Variants in PPP1R9A observed in about 807,000 individuals in gnomAD.
PPP1R9A encodes the protein neurabin-1.
In PPP1R9A, 59 loss-of-function variants were observed where a neutral mutation model predicts 141.9. That is an observed-to-expected ratio of 0.42 (90% CI 0.34 to 0.52). The LOEUF (loss-of-function observed/expected upper bound fraction) is 0.52, where lower values mean the gene tolerates loss of function less well. PPP1R9A is among the 20% of genes least tolerant of loss of function. PPP1R9A has a pLI of 0.10. For synonymous variants in PPP1R9A, 500 were observed against 569.7 expected (o/e 0.88, Z 1.74); for missense variants, 1,444 against 1,611.9 (o/e 0.90, Z 1.78).
intron 16 of PPP1R9A, among the ~76,000 whole-genome samples, chr7:95,278,271 A>G (rs533648083): frequency 7.2e-5 from 11 of 152,298 alleles, no homozygotes; most frequent in Admixed American, 2.0e-4. Flanking sequence ...GCTAGTCTAT[A>G]TTGGGATATG....
intron 2 of PPP1R9A, among the ~76,000 whole-genome samples, chr7:95,071,799 C>CT (rs1277444315): frequency 1.3e-5 from 2 of 151,806 alleles, no homozygotes; most frequent in East Asian, 3.9e-4. Flanking sequence ...CAGAAATAAA[C>CT]TTTTTTTGTA....
At chr7:95,195,941 T>C (rs1836206683) in intron 5 of PPP1R9A, among the ~76,000 whole-genome samples, 1 of 152,110 alleles carries the variant, frequency 6.6e-6, no homozygotes, top group Non-Finnish European at 1.5e-5. Flanking sequence ...TGTTAGCTAC[T>C]CAGAAGGCTG....
chr7:95,067,925 A>C (rs1323204465), intron 2 of PPP1R9A, among the ~76,000 whole-genome samples: 1 of 152,184 alleles, frequency 6.6e-6, no homozygotes, highest in Non-Finnish European at 1.5e-5. Flanking sequence ...GATCCTGGTT[A>C]AAACTGGATA....
chr7:94,921,412 A>G (rs1325962559), intron 2 of PPP1R9A, among the ~76,000 whole-genome samples: 2 of 149,336 alleles, frequency 1.3e-5, no homozygotes, highest in African/African-American at 5.0e-5. Flanking sequence ...GCGCCACTGC[A>G]CTCCAGCCTG....
intron 4 of PPP1R9A, among the ~76,000 whole-genome samples, chr7:95,149,217 A>C (rs1279073248): frequency 6.6e-6 from 1 of 152,108 alleles, no homozygotes; most frequent in African/African-American, 2.4e-5. Context: ...AAAAACTCTA[A>C]GTATACTAGG....
rs564968653 is a variant in PPP1R9A at position 95,043,092 on chromosome 7, C to G, written c.1396-68167C>G. On this transcript the variant is annotated intron_variant, in intron 2 of 19. Coordinates refer to ENST00000433360, the MANE Select transcript of PPP1R9A (RefSeq NM_001166160.2). ...AAAAAATGAGGCTGCTAAATTAGGTCTTTTCTTCTTTACCTTCTTTAAACC... is the reference window on the plus strand; with the variant it reads ...AAAAAATGAGGCTGCTAAATTAGGTGTTTTCTTCTTTACCTTCTTTAAACC... 3.3e-5 allele frequency among the ~76,000 whole-genome samples: 5 copies of G among 152,262 alleles called. No individual in the cohort carries two copies. In the East Asian group the frequency reaches 9.6e-4, roughly 29 times the overall value.
intron 12 of PPP1R9A, among the ~76,000 whole-genome samples, chr7:95,263,464 T>A (rs1800744248): frequency 6.8e-6 from 1 of 146,978 alleles, no homozygotes; most frequent in Non-Finnish European, 1.5e-5. Context: ...AGACGGAGTC[T>A]TGCTCTGTCA....
At position 95,252,031 on chromosome 7, in the gene PPP1R9A, A is replaced by G. The variant is rs371155091; in HGVS notation, c.2566A>G (p.Ile856Val). The G allele has an allele frequency of 1.1e-5, 17 of 1,613,478 alleles. No homozygotes were observed. Among genetic ancestry groups the G allele is most frequent in the African/African-American group, 2.7e-5 (2 of 74,900 alleles). ...GACTCAAGTTAACAATAATAACAAC[A>G]TCTTTGAGAGAAGAACATCTCTTGG... The part of the protein sequence containing the change: ...NGTQVNNNNN[I>V]FERRTSLGEV... The change falls in exon 12 of 20, where the codon ATC (isoleucine) becomes GTC (valine). Residue 856 changes from isoleucine to valine, a missense_variant. Around this residue, in one of 5 missense-constraint regions of PPP1R9A, gnomAD observed 488 missense variants for 542.0 expected, o/e 0.90. Coordinates refer to ENST00000433360, the MANE Select transcript of PPP1R9A (RefSeq NM_001166160.2).
chr7:95,244,521 T>C lies in PPP1R9A; in HGVS notation c.2113-2952T>C, dbSNP rs1275155250. On this transcript the variant is annotated intron_variant, in intron 8 of 19. Coordinates refer to ENST00000433360, the MANE Select transcript of PPP1R9A (RefSeq NM_001166160.2). ...AACTGAGGCCCAGAGAAGCAACTTA[T>C]AGAAGACACAGTGATCTGAGAAAAG... Among the ~76,000 whole-genome samples, 6 of 152,246 alleles carry C rather than the reference T, an allele frequency of 3.9e-5. No homozygotes were observed. In the South Asian group the frequency reaches 8.3e-4, roughly 21 times the overall value.
chr7:95,144,221 C>A (rs994009738), intron 4 of PPP1R9A, among the ~76,000 whole-genome samples: 1 of 152,068 alleles, frequency 6.6e-6, no homozygotes, highest in African/African-American at 2.4e-5. Context: ...TTTTGAGATG[C>A]CACATATATA....
At chr7:95,103,400 G>A (rs1448860736) in intron 2 of PPP1R9A, among the ~76,000 whole-genome samples, 2 of 87,700 alleles carry the variant, frequency 2.3e-5, no homozygotes, top group Non-Finnish European at 4.2e-5. Context: ...TCGCTCTGTT[G>A]CCCAGGCTGG....
intron 2 of PPP1R9A, among the ~76,000 whole-genome samples, chr7:94,982,995 A>G (rs373968101): frequency 6.6e-6 from 1 of 152,144 alleles, no homozygotes; most frequent in Non-Finnish European, 1.5e-5. Flanking sequence ...TAATTTTTGT[A>G]TAAGGTATAA....
intron 2 of PPP1R9A, among the ~76,000 whole-genome samples, chr7:94,956,576 A>G (rs1196190452): frequency 7.2e-5 from 11 of 152,038 alleles, no homozygotes; most frequent in Admixed American, 7.2e-4. Flanking sequence ...GTAGTCATAG[A>G]TACTTGGAAA....
At chr7:95,215,083 T>C (rs1446483282) in intron 7 of PPP1R9A, among the ~76,000 whole-genome samples, 9 of 151,912 alleles carry the variant, frequency 5.9e-5, no homozygotes, top group Non-Finnish European at 1.3e-4. Flanking sequence ...TAACTCGTCA[T>C]TTATATTGGG....
intron 1 of PPP1R9A, chr7:94,908,711 T>TGGGAGA (rs1791098504): frequency 6.6e-6 from 1 of 151,744 alleles, no homozygotes; most frequent in Non-Finnish European, 1.5e-5. Context: ...ATGGGGGGTG[T>TGGGAGA]GTGTAGGGGA....
intron 5 of PPP1R9A, among the ~76,000 whole-genome samples, chr7:95,188,800 T>C (rs1835035780): frequency 6.6e-6 from 1 of 152,242 alleles, no homozygotes; most frequent in African/African-American, 2.4e-5. Context: ...GGTTTTACCA[T>C]CTTGGCCAGG....
At position 95,245,955 on chromosome 7, in the gene PPP1R9A, C is replaced by T. The variant is rs189496267; in HGVS notation, c.2113-1518C>T. ...AGGAAGAATGTAAGCAGTGTGAGTG[C>T]GGCAGAATCAAACTGAAAAGTTTCA... On this transcript the variant is annotated intron_variant, in intron 8 of 19. Coordinates refer to ENST00000433360, the MANE Select transcript of PPP1R9A (RefSeq NM_001166160.2). 1.5e-3 allele frequency among the ~76,000 whole-genome samples: 226 copies of T among 152,196 alleles called. 5 individuals are homozygous for T. The highest frequency in any genetic ancestry group is 6.4e-3 in the Admixed American group (98 of 15,290).
intron 2 of PPP1R9A, among the ~76,000 whole-genome samples, chr7:95,015,152 A>G (rs1210404670): frequency 1.3e-5 from 2 of 151,940 alleles, no homozygotes; most frequent in Admixed American, 6.6e-5. Flanking sequence ...GAAAATTTAT[A>G]ATGGATTATC....
intron 7 of PPP1R9A, among the ~76,000 whole-genome samples, chr7:95,210,561 G>T (rs998938764): frequency 6.6e-6 from 1 of 151,972 alleles, no homozygotes; most frequent in Non-Finnish European, 1.5e-5. Context: ...CGCCTCCCCG[G>T]TTCAAGCGAT....
Sources: gnomAD v4.1 joint callset for allele counts (sites outside exome capture counted in the v4.1 genomes callset) on GRCh38, gnomAD v4.1.1 for gene constraint, gnomAD v4.1.1 regional missense constraint, MANE v1.5 for transcripts, NCBI Gene and HGNC (gene_info 2026-07-23, HGNC 2026-07-21) for gene names.